The following LIPE variants were observed in gnomAD, a reference collection of about 807,000 sequenced individuals.
The protein encoded by LIPE is hormone-sensitive lipase.
LIPE carries 66 observed loss-of-function variants against 88.5 expected under a neutral mutation model. That is an observed-to-expected ratio of 0.75 (90% confidence interval 0.61 to 0.91). The LOEUF is 0.91. LIPE is among the 40% of genes least tolerant of loss of function. The pLI is 0.00. For synonymous variants in LIPE, 570 were observed against 617.5 expected (o/e 0.92, Z 1.14); for missense variants, 1,346 against 1,434.7 (o/e 0.94, Z 1.00).
Position 42,407,759 on chromosome 19 carries a change from C to G in LIPE, c.1689G>C (p.Arg563Ser), listed in dbSNP as rs1356417888. ...GTGGCAGGCTGAGCAGGCGGCTTAC[C>G]CTCACGGTGGCCGATGCCATGTTGG... ...SLANMASATV[R>S]VSRLLSLPPE... is the part of the protein sequence containing the mutation. Residue 563 changes from arginine (R) to serine (S), a missense_variant, in exon 5 of 10, where the codon AGG becomes AGC. Arg to Ser is a moderately radical substitution (Grantham distance 110). Coordinates refer to ENST00000244289, the MANE Select transcript of LIPE (RefSeq NM_005357.4). This position sits in a 1 kb window ranked among gnomAD's most constrained non-coding sequence, Gnocchi z 5.8. 1 of 1,553,990 alleles carries G rather than the reference C, an allele frequency of 6.4e-7. No individual in the cohort carries two copies.
Position 42,407,287 on chromosome 19 carries a change from C to G in LIPE, c.2024G>C (p.Gly675Ala). Reference protein sequence around the residue: ...PYLKSWAQELGAPIISIDYSL... With the variant: ...PYLKSWAQELAAPIISIDYSL... ...GTAGTCGATGGAGATGATGGGGGCG[C>G]CCAGCTCCTGGGCCCAGCTCTTGAG... The change falls in exon 6 of 10, where the codon GGC (glycine) becomes GCC (alanine). Residue 675 changes from glycine (G) to alanine (A), a missense_variant. Transcript: ENST00000244289. The surrounding 1 kb of genome is among the most constrained non-coding windows in gnomAD (Gnocchi z 5.8). 6.2e-7 allele frequency: 1 copy of G among 1,609,238 alleles called. No individual in the cohort carries two copies. Among genetic ancestry groups the G allele is most frequent in the South Asian group, 1.1e-5 (1 of 90,328 alleles).
In LIPE at chr19:42,401,714, G is replaced by GGCCC. The variant is rs2147548845; in HGVS notation, c.*97_*98insGGGC. ...TTTCGGGCCCCCGCCCCGCCCCCTTGCCACCCCCGACTTAAGTAAGGCACA... is the reference window on the plus strand; with the variant it reads ...TTTCGGGCCCCCGCCCCGCCCCCTTGGCCCCCACCCCCGACTTAAGTAAGGCACA... On this transcript the variant is annotated 3_prime_UTR_variant, in exon 10 of 10. Transcript: ENST00000244289. The GGCCC allele has an allele frequency of 6.3e-5, 9 of 143,844 alleles. No individual in the cohort carries two copies. Among genetic ancestry groups the GGCCC allele is most frequent in the South Asian group, 1.8e-4 (1 of 5,606 alleles). 8.9% of individuals were successfully genotyped at this position (143,844 alleles called of 1,614,324 possible).
intron 1 of LIPE, chr19:42,423,301 G>T: frequency 1.4e-6 from 1 of 704,754 alleles, no homozygotes; most frequent in Non-Finnish European, 2.1e-6. Context: ...AAGCGGCAAT[G>T]GGCCAGTCCG....
rs188642115 is a variant in LIPE at position 42,403,027 on chromosome 19, C to A, written c.2547G>T (p.Pro849=). The A allele has an allele frequency of 5.8e-6, 9 of 1,549,738 alleles. No individual in the cohort carries two copies. In the Admixed American group the frequency reaches 7.3e-5, roughly 13 times the overall value. The change falls in exon 9 of 10, where the codon CCG becomes CCT. Residue 849 remains proline, a synonymous_variant. Coordinates refer to ENST00000244289, the MANE Select transcript of LIPE (RefSeq NM_005357.4). Reference sequence around the variant, plus strand: ...CTGCTTCAGACACACTGCGGCGCATCGGCTCTGAGAGAGGGAGAGCAGATA... The same window carrying A: ...CTGCTTCAGACACACTGCGGCGCATAGGCTCTGAGAGAGGGAGAGCAGATA... The part of the protein sequence containing the change: ...SQKMSEPIAE[P]MRRSVSEAAL...
At chr19:42,409,132 C>T (rs2040289337) in intron 2 of LIPE, among the ~76,000 whole-genome samples, 1 of 151,848 alleles carries the variant, frequency 6.6e-6, no homozygotes, top group Non-Finnish European at 1.5e-5. Flanking sequence ...GAGACAGCCC[C>T]CCAGGCACAG....
In LIPE at chr19:42,401,709, C is replaced by T; in HGVS notation, c.*103G>A. 2 of 395,790 alleles carry T rather than the reference C, an allele frequency of 5.1e-6. No homozygotes were observed. The highest frequency in any genetic ancestry group is 8.5e-6 in the Non-Finnish European group (2 of 236,512). 24.5% of individuals were successfully genotyped at this position (395,790 alleles called of 1,614,324 possible). On this transcript the variant is annotated 3_prime_UTR_variant, in exon 10 of 10. Transcript: ENST00000244289. Reference sequence around the variant, plus strand: ...TCAGCTTTCGGGCCCCCGCCCCGCCCCCTTGCCACCCCCGACTTAAGTAAG... The same window carrying T: ...TCAGCTTTCGGGCCCCCGCCCCGCCTCCTTGCCACCCCCGACTTAAGTAAG...
At position 42,408,171 on chromosome 19, in the gene LIPE, G is replaced by A; in HGVS notation, c.1511-50C>T. The A allele has an allele frequency of 6.2e-7, 1 of 1,613,858 alleles. No homozygotes were observed. Among genetic ancestry groups the A allele is most frequent in the African/African-American group, 1.3e-5 (1 of 74,952 alleles). On this transcript the variant is annotated intron_variant, in intron 3 of 9. Coordinates refer to ENST00000244289, the MANE Select transcript of LIPE (RefSeq NM_005357.4). This position sits in a 1 kb window ranked among gnomAD's most constrained non-coding sequence, Gnocchi z 4.3. ...GAGCCCCAGTGGGTCAGGCTGCTTG[G>A]GCAGGAGTGGGGAGGAGGGCCAAGA...
chr19:42,425,268 CTCAG>C (rs1390657799), intron 1 of LIPE: 1 of 153,194 alleles, frequency 6.5e-6, no homozygotes, highest in Non-Finnish European at 1.5e-5. Context: ...AGAGCTGGTG[CTCAG>C]TCAGTTTCTG....
At chr19:42,402,223 G>C (rs2040001426) in intron 9 of LIPE, 148 bp from the exon 10 acceptor site, 1 of 724,100 alleles carries the variant, frequency 1.4e-6, no homozygotes, top group South Asian at 2.2e-5. Flanking sequence ...GGTGGGTGAG[G>C]AGTTGGGGAG....
Position 42,403,023 on chromosome 19 carries a change from G to T in LIPE, c.2551C>A (p.Arg851Ser). ...AGTGCTGCTTCAGACACACTGCGGCGCATCGGCTCTGAGAGAGGGAGAGCA... is the reference window on the plus strand; with the variant it reads ...AGTGCTGCTTCAGACACACTGCGGCTCATCGGCTCTGAGAGAGGGAGAGCA... ...KMSEPIAEPM[R>S]RSVSEAALAQ... Residue 851 changes from arginine (R) to serine (S), a missense_variant, in exon 9 of 10, where the codon CGC (arginine) becomes AGC (serine). Physicochemically the swap from Arg to Ser is moderately radical, Grantham distance 110. Transcript: ENST00000244289. 1.3e-6 allele frequency: 2 copies of T among 1,558,984 alleles called. No homozygotes were observed. Among genetic ancestry groups the T allele is most frequent in the South Asian group, 1.2e-5 (1 of 86,922 alleles).
chr19:42,403,454 T>TTTG (rs1444662802), intron 8 of LIPE, among the ~76,000 whole-genome samples: 2 of 143,522 alleles, frequency 1.4e-5, no homozygotes, highest in African/African-American at 5.6e-5. Flanking sequence ...CGTTTTTTGT[T>TTTG]TTTTTTTTTT....
intron 1 of LIPE, chr19:42,423,447 G>A (rs1334460262): frequency 1.6e-6 from 2 of 1,289,436 alleles, no homozygotes; most frequent in Admixed American, 2.3e-5. Context: ...GCCACCGCCG[G>A]CGACCGTGGC....
At position 42,424,841 on chromosome 19, in the gene LIPE, C is replaced by T. The variant is rs1473688386; in HGVS notation, c.883+1426G>A. ...CCTAGAGAAGGAAGATCGGAGCTTC[C>T]TGGGGCTCCTGTGAAGCAGGCAGGG... On this transcript the variant is annotated intron_variant, in intron 1 of 9. Transcript: ENST00000244289. 8 of 354,996 alleles carry T rather than the reference C, an allele frequency of 2.3e-5. No individual in the cohort carries two copies. In the East Asian group the frequency reaches 4.5e-4, roughly 20 times the overall value. The allele number at this position is 354,996 out of a possible 1,614,324, so 22.0% of individuals were successfully genotyped here.
rs111259286 is a variant in LIPE at position 42,419,135 on chromosome 19, G to A, written c.883+7132C>T. Reference sequence around the variant, plus strand: ...CTCTACTAAAAATACAAAATTAGCCGGGCATGGTGGCGCGTGCCTGTAGTC... The same window carrying A: ...CTCTACTAAAAATACAAAATTAGCCAGGCATGGTGGCGCGTGCCTGTAGTC... On this transcript the variant is annotated intron_variant, in intron 1 of 9. Coordinates refer to ENST00000244289, the MANE Select transcript of LIPE (RefSeq NM_005357.4). Among the ~76,000 whole-genome samples, 672 of 152,084 alleles carry A rather than the reference G, an allele frequency of 4.4e-3. 6 individuals carry two copies. Among genetic ancestry groups the A allele is most frequent in the African/African-American group, 0.015 (632 of 41,492 alleles).
In LIPE at chr19:42,408,022, T is replaced by A. The variant is rs1368668893; in HGVS notation, c.1610A>T (p.His537Leu). Residue 537 changes from histidine to leucine, a missense_variant, in exon 4 of 10, where the codon CAC becomes CTC. By Grantham distance (99) the His-to-Leu change is moderately conservative (BLOSUM62 -3). Transcript: ENST00000244289. The surrounding 1 kb of genome is among the most constrained non-coding windows in gnomAD (Gnocchi z 4.3). ...GATGTTCCAGAAGGCTTTCCAGAAGTGCACGTCCAGGTTCTGTGTGATCCG... is the reference window on the plus strand; with the variant it reads ...GATGTTCCAGAAGGCTTTCCAGAAGAGCACGTCCAGGTTCTGTGTGATCCG... Reference protein sequence around the residue: ...FERITQNLDVHFWKAFWNITE... With the variant: ...FERITQNLDVLFWKAFWNITE... The A allele has an allele frequency of 6.2e-7, 1 of 1,613,658 alleles. No individual in the cohort carries two copies. The highest frequency in any genetic ancestry group is 1.3e-5 in the African/African-American group (1 of 74,890).
Position 42,408,305 on chromosome 19 carries a change from C to T in LIPE, c.1437G>A (p.Arg479=). ...CLGFQFTPAI[R]PFLQTISIGL... ...CAATGGAGATGGTCTGCAGGAATGG[C>T]CGGATGGCAGGCGTGAACTGTGGAG... The change falls in exon 3 of 10, where the codon CGG becomes CGA. Residue 479 remains arginine, a synonymous_variant. Transcript: ENST00000244289. This position sits in a 1 kb window ranked among gnomAD's most constrained non-coding sequence, Gnocchi z 4.3. 6.2e-7 allele frequency: 1 copy of T among 1,614,064 alleles called. No individual in the cohort carries two copies. The highest frequency in any genetic ancestry group is 8.5e-7 in the Non-Finnish European group (1 of 1,180,004).
At chr19:42,409,211 G>A (rs770745764) in intron 2 of LIPE, among the ~76,000 whole-genome samples, 1 of 151,930 alleles carries the variant, frequency 6.6e-6, no homozygotes, top group African/African-American at 2.4e-5. Context: ...CAGCCACCAC[G>A]GGGGCAGGGA....
chr19:42,405,551 C>T lies in LIPE; in HGVS notation c.2376G>A (p.Thr792=), dbSNP rs748816135. ...TCTGGTCTGAGTTGGAGTGGTCCTC[C>T]GTCTTTGCACCTGCAGAATATATGT... is the stretch of plus-strand genomic sequence containing the variant. ...KCVSAYAGAK[T]EDHSNSDQKA... is the part of the protein sequence containing the mutation. The change falls in exon 8 of 10, where the codon ACG becomes ACA. Residue 792 remains threonine, a synonymous_variant. Coordinates refer to ENST00000244289, the MANE Select transcript of LIPE (RefSeq NM_005357.4). 6.2e-6 allele frequency: 10 copies of T among 1,612,686 alleles called. No individual in the cohort carries two copies. The highest frequency in any genetic ancestry group is 2.2e-5 in the East Asian group (1 of 44,842).
intron 8 of LIPE, among the ~76,000 whole-genome samples, chr19:42,404,302 G>A (rs2040098979): frequency 6.6e-6 from 1 of 151,310 alleles, no homozygotes; most frequent in African/African-American, 2.4e-5. Context: ...CGTGATCTCG[G>A]CTCACTGCAA....
Sources: gnomAD v4.1 joint callset for allele counts (sites outside exome capture counted in the v4.1 genomes callset) on GRCh38, gnomAD v4.1.1 for gene constraint, Gnocchi (gnomAD v3.1) non-coding constraint, MANE v1.5 for transcripts, NCBI Gene and HGNC (gene_info 2026-07-23, HGNC 2026-07-21) for gene names.